Variants in PUDP observed in about 807,000 individuals in gnomAD.
PUDP encodes pseudouridine-5'-phosphatase.
In PUDP, 8 loss-of-function variants were observed where a neutral mutation model predicts 9.4. That is an observed-to-expected ratio of 0.85 (90% confidence interval 0.50 to 1.53). The LOEUF is 1.53. Among genes scored for constraint, PUDP ranks in the 40% most tolerant of loss-of-function variants. PUDP has a pLI of 0.00. For missense variants in PUDP, 188 were observed against 189.7 expected (o/e 0.99, Z 0.05); for synonymous variants, 99 against 80.7 (o/e 1.23, Z -1.22).
chrX:6,780,954 G>A (rs903844673), intron 3 of PUDP, among the ~76,000 whole-genome samples: 1 of 111,122 alleles, frequency 9.0e-6, no homozygotes, highest in Non-Finnish European at 1.9e-5. Flanking sequence ...CTACTCAGGA[G>A]GCTGAGGCAG....
chrX:7,045,546 G>A (rs1227000794), downstream of PUDP, among the ~76,000 whole-genome samples: 2 of 112,106 alleles, frequency 1.8e-5, no homozygotes, highest in Non-Finnish European at 3.8e-5. Context: ...CTTGGCTGGT[G>A]GCATAACCCA....
chrX:6,804,630 G>A (rs1234450636), intron 3 of PUDP, among the ~76,000 whole-genome samples: 1 of 111,548 alleles, frequency 9.0e-6, no homozygotes, highest in Non-Finnish European at 1.9e-5. Context: ...GCCCGGAGAT[G>A]TGGAGTCTGT....
At chrX:6,951,622 C>A (rs184571272) in intron 3 of PUDP, among the ~76,000 whole-genome samples, 2 of 111,758 alleles carry the variant, frequency 1.8e-5, no homozygotes, top group African/African-American at 6.5e-5. Context: ...AGACAACCTC[C>A]CCAGCTCAGC....
In PUDP at chrX:6,848,460, T is replaced by C. The variant is rs770228566; in HGVS notation, c.*247+128673A>G. Among the ~76,000 whole-genome samples the C allele has an allele frequency of 1.4e-3, 163 of 112,562 alleles. 3 individuals carry two copies. The highest frequency in any genetic ancestry group is 4.6e-3 in the Middle Eastern group (1 of 219). ...AATATTACGGATTTTATCTGGCTTA[T>C]TTGTTGAAAATTTTGTAGACATTAC... is the stretch of plus-strand genomic sequence containing the variant. On this transcript the variant is annotated intron_variant and NMD_transcript_variant, in intron 3 of 3. Transcript: ENST00000655425.
intron 3 of PUDP, among the ~76,000 whole-genome samples, chrX:6,740,762 C>A (rs1017352674): frequency 1.8e-5 from 2 of 111,986 alleles, no homozygotes; most frequent in African/African-American, 6.5e-5. Context: ...TAATGATACA[C>A]CCTCTCGTGC....
At chrX:6,822,697 T>G (rs1482211271) in intron 3 of PUDP, among the ~76,000 whole-genome samples, 2 of 110,443 alleles carry the variant, frequency 1.8e-5, no homozygotes, top group African/African-American at 6.6e-5. Flanking sequence ...AGTGTTTTTT[T>G]TTTTTTTTTT....
At chrX:6,821,046 T>G (rs1413874390) in intron 3 of PUDP, among the ~76,000 whole-genome samples, 1 of 110,889 alleles carries the variant, frequency 9.0e-6, no homozygotes. Flanking sequence ...TAGGTGGAGG[T>G]TCCCAAACCT....
intron 1 of PUDP, among the ~76,000 whole-genome samples, chrX:6,717,569 A>G (rs1924614702): frequency 8.9e-6 from 1 of 111,941 alleles, no homozygotes; most frequent in South Asian, 3.7e-4. Flanking sequence ...TCTTGTGCTC[A>G]CAGCCTACAT....
intron 3 of PUDP, among the ~76,000 whole-genome samples, chrX:7,059,835 A>G (rs1219109104): frequency 8.9e-6 from 1 of 112,296 alleles, no homozygotes; most frequent in Non-Finnish European, 1.9e-5. Flanking sequence ...CACAGCATAA[A>G]GAGAGTGCCT....
chrX:7,097,267 G>A (rs1415456499), intron 2 of PUDP, among the ~76,000 whole-genome samples: 1 of 111,890 alleles, frequency 8.9e-6, no homozygotes, highest in Non-Finnish European at 1.9e-5. Context: ...AGATGAGCTG[G>A]GGAATAAGAA....
chrX:7,073,050 G>T (rs1260337589), intron 3 of PUDP, among the ~76,000 whole-genome samples: 1 of 110,735 alleles, frequency 9.0e-6, no homozygotes, highest in African/African-American at 3.3e-5. Flanking sequence ...TCGGCACATG[G>T]AGGCCCTCTA....
chrX:7,074,164 T>C lies in PUDP; in HGVS notation c.510+3056A>G, dbSNP rs1569152471. ...GGTCTCAAGCTACTGGGCTCAAGCA[T>C]CCTCCTGCCTCAGCATCCCAAAGTG... On this transcript the variant is annotated intron_variant, in intron 3 of 3. Transcript: ENST00000381077. 2.7e-5 allele frequency among the ~76,000 whole-genome samples: 3 copies of C among 112,617 alleles called. No homozygotes were observed. In the East Asian group the frequency reaches 8.4e-4, roughly 32 times the overall value.
intron 1 of PUDP, among the ~76,000 whole-genome samples, chrX:6,707,884 T>G (rs752970794): frequency 2.7e-5 from 3 of 112,024 alleles, no homozygotes; most frequent in Non-Finnish European, 5.6e-5. Context: ...AAGTTGGCAC[T>G]TTCTTTTATA....
At chrX:7,092,230 A>AGAG (rs1477536814) in intron 2 of PUDP, among the ~76,000 whole-genome samples, 24 of 113,177 alleles carry the variant, frequency 2.1e-4, no homozygotes, top group East Asian at 1.1e-3. Context: ...AGATTGGGAA[A>AGAG]GAGTTTCAGT....
At chrX:6,767,941 T>C (rs1602611338) in intron 3 of PUDP, among the ~76,000 whole-genome samples, 1 of 111,163 alleles carries the variant, frequency 9.0e-6, no homozygotes. Context: ...TACTGGAGTT[T>C]TGGGGTTTGC....
At chrX:6,860,468 G>GTTTTTT (rs1462065871) in intron 3 of PUDP, among the ~76,000 whole-genome samples, 3 of 100,432 alleles carry the variant, frequency 3.0e-5, no homozygotes, top group East Asian at 3.9e-4. Context: ...GTGGTTTTTT[G>GTTTTTT]TTTTTTGTTT....
chrX:6,730,804 C>T (rs1195586359), intron 3 of PUDP, among the ~76,000 whole-genome samples: 1 of 111,895 alleles, frequency 8.9e-6, no homozygotes, highest in Non-Finnish European at 1.9e-5. Flanking sequence ...GCCCACAGTG[C>T]TAGAAGTGAG....
chrX:6,790,121 G>A (rs966990203), intron 3 of PUDP, among the ~76,000 whole-genome samples: 41 of 111,599 alleles, frequency 3.7e-4, no homozygotes, highest in African/African-American at 1.2e-3. Flanking sequence ...AAAGACGATA[G>A]ATGATAGATA....
intron 3 of PUDP, among the ~76,000 whole-genome samples, chrX:7,071,193 A>T (rs1300665080): frequency 1.8e-5 from 2 of 111,914 alleles, no homozygotes; most frequent in East Asian, 5.6e-4. Context: ...ACAAGTTGAT[A>T]TGAATATATG....
Sources: allele counts gnomAD v4.1 joint callset (sites outside exome capture counted in the v4.1 genomes callset), GRCh38; gene constraint gnomAD v4.1.1; transcripts MANE v1.5; gene names NCBI Gene and HGNC (gene_info 2026-07-23, HGNC 2026-07-21).